APBA2: variants seen among roughly 807,000 people sequenced by gnomAD.
APBA2 encodes the protein amyloid-beta A4 precursor protein-binding family A member 2.
Under a neutral mutation model 75.0 loss-of-function variants are expected in APBA2, and 30 were observed. That is an observed-to-expected ratio of 0.40 (90% CI 0.30 to 0.54). APBA2 has a LOEUF of 0.54. APBA2 is among the 20% of genes least tolerant of loss of function. APBA2 has a pLI of 0.49. For missense variants in APBA2, 801 were observed against 1,016.1 expected, an observed-to-expected ratio of 0.79 and a Z score of 2.88; for synonymous variants, 444 against 409.6, an observed-to-expected ratio of 1.08 and a Z score of -1.01.
intron 2 of APBA2, among the ~76,000 whole-genome samples, chr15:28,949,810 A>G (rs1347228863): frequency 6.6e-6 from 1 of 152,164 alleles, no homozygotes; most frequent in Non-Finnish European, 1.5e-5. Context: ...GAACAGCTTT[A>G]AAGTTATAAA....
intron 1 of APBA2, among the ~76,000 whole-genome samples, chr15:28,902,863 C>CTCTTTACTGTTCCCATGAAAACTGGGGGG (rs1367076835): frequency 2.6e-5 from 4 of 152,164 alleles, no homozygotes; most frequent in Non-Finnish European, 5.9e-5. Context: ...TTTTCGGTTC[C>CTCTTTACTGTTCCCATGAAAACTGGGGGG]TCTTTACTGT....
At chr15:28,979,737 A>G (rs2037525281) in intron 2 of APBA2, among the ~76,000 whole-genome samples, 1 of 152,194 alleles carries the variant, frequency 6.6e-6, no homozygotes, top group South Asian at 2.1e-4. Context: ...AGATGGACCT[A>G]GGGCTCTCTG....
At chr15:29,030,037 C>T (rs1471200274) in intron 3 of APBA2, among the ~76,000 whole-genome samples, 1 of 152,316 alleles carries the variant, frequency 6.6e-6, no homozygotes, top group African/African-American at 2.4e-5. Context: ...GGTGTGGCCC[C>T]AACAAGGCTG....
At chr15:29,101,483 C>T (rs924946788) in intron 9 of APBA2, 116 bp from the exon 10 acceptor site, 11 of 1,140,922 alleles carry the variant, frequency 9.6e-6, no homozygotes, top group South Asian at 5.3e-5. Context: ...CTGCCTGCCT[C>T]GGCCTCCCAA....
At chr15:28,996,927 G>C (rs1204920466) in intron 3 of APBA2, among the ~76,000 whole-genome samples, 1 of 152,216 alleles carries the variant, frequency 6.6e-6, no homozygotes, top group Non-Finnish European at 1.5e-5. Context: ...GCAGGGGTGA[G>C]GACGGGATTC....
chr15:28,966,012 G>A (rs937314356), intron 2 of APBA2, among the ~76,000 whole-genome samples: 1 of 151,932 alleles, frequency 6.6e-6, no homozygotes, highest in Non-Finnish European at 1.5e-5. Context: ...AGATTTTCCT[G>A]TAGTTTTTTT....
chr15:29,113,450 C>G (rs80257703), intron 13 of APBA2, among the ~76,000 whole-genome samples: 3,843 of 152,266 alleles, frequency 0.025, 182 homozygotes, highest in African/African-American at 0.088. Context: ...AGATGCCCCA[C>G]CTTTCTGGTG....
intron 2 of APBA2, among the ~76,000 whole-genome samples, chr15:28,992,337 G>A (rs772448989): frequency 2.6e-5 from 4 of 152,246 alleles, no homozygotes; most frequent in African/African-American, 4.8e-5. Flanking sequence ...TGTATGAATC[G>A]TCTTCTTTAA....
At chr15:29,112,899 TTGTCTC>T (rs1364435388) in intron 13 of APBA2, among the ~76,000 whole-genome samples, 3 of 152,066 alleles carry the variant, frequency 2.0e-5, no homozygotes, top group Non-Finnish European at 4.4e-5. Flanking sequence ...CACTTCTACT[TTGTCTC>T]TGTGATTCTG....
At chr15:29,076,914 C>T (rs974752155) in intron 6 of APBA2, among the ~76,000 whole-genome samples, 12 of 152,136 alleles carry the variant, frequency 7.9e-5, no homozygotes, top group African/African-American at 2.7e-4. Flanking sequence ...GGAACTGAAG[C>T]CCCCAAATTC....
At chr15:29,022,603 ATC>A (rs2040008725) in intron 3 of APBA2, among the ~76,000 whole-genome samples, 7 of 152,228 alleles carry the variant, frequency 4.6e-5, no homozygotes, top group African/African-American at 1.7e-4. Flanking sequence ...CATATGGTAA[ATC>A]ATTATAGATG....
chr15:29,073,947 A>G (rs950911581), intron 4 of APBA2, among the ~76,000 whole-genome samples: 2 of 152,154 alleles, frequency 1.3e-5, no homozygotes, highest in Non-Finnish European at 2.9e-5. Flanking sequence ...GGCATTTTCT[A>G]TGTTGTAGTA....
chr15:28,972,977 T>C (rs1566859945), intron 2 of APBA2, among the ~76,000 whole-genome samples: 2 of 152,258 alleles, frequency 1.3e-5, no homozygotes, highest in Non-Finnish European at 2.9e-5. Context: ...GCATTACTTA[T>C]GCTTTAATAA....
At chr15:28,936,082 C>T (rs1236728498) in intron 2 of APBA2, among the ~76,000 whole-genome samples, 1 of 152,130 alleles carries the variant, frequency 6.6e-6, no homozygotes, top group Non-Finnish European at 1.5e-5. Context: ...GAGAGGTTTT[C>T]CAATCTAGTA....
intron 3 of APBA2, among the ~76,000 whole-genome samples, chr15:29,009,650 T>C (rs941313725): frequency 8.9e-6 from 1 of 112,916 alleles, no homozygotes; most frequent in Non-Finnish European, 1.6e-5. Context: ...AATGTTTGAA[T>C]TTTTTTTTAA....
intron 6 of APBA2, among the ~76,000 whole-genome samples, chr15:29,077,429 G>T (rs920184324): frequency 1.3e-5 from 2 of 152,208 alleles, no homozygotes; most frequent in African/African-American, 4.8e-5. Flanking sequence ...GTGTATCATA[G>T]TGTCATCTGG....
chr15:29,073,343 A>G (rs1311247695), intron 4 of APBA2, among the ~76,000 whole-genome samples: 1 of 152,136 alleles, frequency 6.6e-6, no homozygotes, highest in Non-Finnish European at 1.5e-5. Context: ...GTGCTAGGTA[A>G]ATTAGGTAAA....
At chr15:29,012,998 C>T (rs2152817433) in intron 3 of APBA2, among the ~76,000 whole-genome samples, 1 of 152,158 alleles carries the variant, frequency 6.6e-6, no homozygotes, top group South Asian at 2.1e-4. Flanking sequence ...CCCCTCAAGT[C>T]CTAGCTGCCT....
At position 29,098,592 on chromosome 15, in the gene APBA2, A is replaced by G; in HGVS notation, c.1338+16A>G. On this transcript the variant is annotated intron_variant, in intron 9 of 14. Coordinates refer to ENST00000683413, the MANE Select transcript of APBA2 (RefSeq NM_001353788.2). ...AGACACGCAGGTAAGCGTTTAAGACAGTTGTTCAAAATCAGGTAAACTCCT... is the reference window on the plus strand; with the variant it reads ...AGACACGCAGGTAAGCGTTTAAGACGGTTGTTCAAAATCAGGTAAACTCCT... The G allele has an allele frequency of 6.2e-7, 1 of 1,605,376 alleles. No homozygotes were observed.
Sources: gnomAD v4.1 joint callset for allele counts (sites outside exome capture counted in the v4.1 genomes callset) on GRCh38, gnomAD v4.1.1 for gene constraint, MANE v1.5 for transcripts, NCBI Gene and HGNC (gene_info 2026-07-23, HGNC 2026-07-21) for gene names.